Variants in TBCK observed in about 807,000 individuals in gnomAD.
TBCK encodes TBC domain-containing protein kinase-like protein.
Under a neutral mutation model 113.4 loss-of-function variants are expected in TBCK, and 99 were observed. The observed-to-expected ratio is 0.87, with a 90% CI of 0.74 to 1.03. The LOEUF is 1.03. Among genes scored for constraint, TBCK ranks in the 50% least tolerant of loss-of-function variants. TBCK has a pLI of 0.00. For synonymous variants in TBCK, 369 were observed against 370.8 expected, an observed-to-expected ratio of 1.00 and a Z score of 0.05; for missense variants, 1,045 against 1,061.3, an observed-to-expected ratio of 0.98 and a Z score of 0.21.
At position 106,154,394 on chromosome 4, in the gene TBCK, A is replaced by G. The variant is rs377760806; in HGVS notation, c.2235+16701T>C. ...TTTTAGCTTTTTGTTTTTCCTGTTT[A>G]TATCTTAAAGTACTGTCAATGTCTT... On this transcript the variant is annotated intron_variant, in intron 23 of 25. Transcript: ENST00000394708. Among the ~76,000 whole-genome samples the G allele has an allele frequency of 1.1e-4, 16 of 152,236 alleles. No homozygotes were observed. In the East Asian group the frequency reaches 2.3e-3, roughly 22 times the overall value.
At chr4:106,092,144 C>T (rs1364559534) in intron 25 of TBCK, among the ~76,000 whole-genome samples, 1 of 151,940 alleles carries the variant, frequency 6.6e-6, no homozygotes, top group Non-Finnish European at 1.5e-5. Context: ...TTCTCCAAGT[C>T]CCCACCAGAT....
intron 19 of TBCK, among the ~76,000 whole-genome samples, chr4:106,218,750 G>C (rs1757301402): frequency 8.6e-6 from 1 of 115,828 alleles, no homozygotes; most frequent in African/African-American, 3.2e-5. Context: ...GGAGAAATAG[G>C]AACACTTTTA....
chr4:106,292,606 T>C (rs916974561), intron 3 of TBCK, among the ~76,000 whole-genome samples: 1 of 151,398 alleles, frequency 6.6e-6, no homozygotes, highest in East Asian at 1.9e-4. Context: ...TTAACTCATA[T>C]CTGTTCATGC....
chr4:106,152,598 T>A (rs890819641), intron 23 of TBCK, among the ~76,000 whole-genome samples: 4 of 152,026 alleles, frequency 2.6e-5, no homozygotes, highest in Admixed American at 6.6e-5. Context: ...ACTGGCCTCA[T>A]AGAATAAGTT....
intron 23 of TBCK, among the ~76,000 whole-genome samples, chr4:106,123,074 G>A (rs1184373295): frequency 1.3e-5 from 2 of 152,216 alleles, no homozygotes; most frequent in African/African-American, 4.8e-5. Context: ...TAGGAAAAGA[G>A]GAAGTCACAT....
At chr4:106,133,115 G>A (rs1008150684) in intron 23 of TBCK, among the ~76,000 whole-genome samples, 3 of 152,144 alleles carry the variant, frequency 2.0e-5, no homozygotes, top group African/African-American at 7.2e-5. Flanking sequence ...TTTGGGAGGG[G>A]CCAGGGACAG....
chr4:106,163,992 A>ATTC (rs1750088292), intron 23 of TBCK, among the ~76,000 whole-genome samples: 1 of 152,038 alleles, frequency 6.6e-6, no homozygotes, highest in South Asian at 2.1e-4. Flanking sequence ...TATTATTATT[A>ATTC]TTTGCTTATT....
At chr4:106,185,173 T>A (rs1380719002) in intron 22 of TBCK, among the ~76,000 whole-genome samples, 1 of 152,114 alleles carries the variant, frequency 6.6e-6, no homozygotes, top group African/African-American at 2.4e-5. Flanking sequence ...CTTGAAATTT[T>A]AAGTAATTAA....
rs772584843 is a variant in TBCK at position 106,248,249 on chromosome 4, TAGA to T, written c.775_777del (p.Ser259del). 2 of 1,593,272 alleles carry T rather than the reference TAGA, an allele frequency of 1.3e-6. No individual in the cohort carries two copies. Among genetic ancestry groups the T allele is most frequent in the Admixed American group, 1.8e-5 (1 of 57,124 alleles). On this transcript the variant is annotated inframe_deletion, in exon 9 of 26. Transcript: ENST00000394708. ...CAATCTCTAAATAATATCAACCTCT[TAGA>T]AGGATGGAAGGTAAGGCACTTATTC...
chr4:106,232,594 T>C (rs775455202), intron 17 of TBCK, among the ~76,000 whole-genome samples: 2 of 151,918 alleles, frequency 1.3e-5, no homozygotes, highest in African/African-American at 2.4e-5. Context: ...TAAGTATAAA[T>C]TAGAAATCAT....
At chr4:106,179,089 A>C (rs1752026536) in intron 22 of TBCK, among the ~76,000 whole-genome samples, 1 of 151,994 alleles carries the variant, frequency 6.6e-6, no homozygotes, top group Non-Finnish European at 1.5e-5. Flanking sequence ...TGCATTCTGT[A>C]GTAAAATGTC....
chr4:106,171,337 C>T lies in TBCK; in HGVS notation c.2060-67G>A, dbSNP rs1020432377. 11 of 1,204,592 alleles carry T rather than the reference C, an allele frequency of 9.1e-6. No individual in the cohort carries two copies. The African/African-American group carries it at 1.4e-4, about 15-fold the overall frequency. 74.6% of individuals were successfully genotyped at this position (1,204,592 alleles called of 1,614,324 possible). A position where few individuals can be genotyped will look rare whatever the true frequency, so the allele number is the denominator to read the frequency against. ...GATTGCTCTTTTAATGTAATAAACA[C>T]CATCTCTCCTAAGTGAATATATCTA... On this transcript the variant is annotated intron_variant, in intron 22 of 25. Coordinates refer to ENST00000394708, the MANE Select transcript of TBCK (RefSeq NM_001163435.3).
chr4:106,143,615 T>C (rs1747391840), intron 23 of TBCK, among the ~76,000 whole-genome samples: 1 of 152,154 alleles, frequency 6.6e-6, no homozygotes, highest in South Asian at 2.1e-4. Flanking sequence ...GCAGTCTTTG[T>C]CATTAAAAGT....
At chr4:106,161,931 C>G (rs1197800018) in intron 23 of TBCK, among the ~76,000 whole-genome samples, 1 of 152,070 alleles carries the variant, frequency 6.6e-6, no homozygotes, top group African/African-American at 2.4e-5. Context: ...CATGTCCTCA[C>G]ATTTCAAACC....
chr4:106,246,410 T>C (rs563527711), intron 10 of TBCK, among the ~76,000 whole-genome samples: 1 of 152,268 alleles, frequency 6.6e-6, no homozygotes, highest in Non-Finnish European at 1.5e-5. Context: ...AGTCGTAATC[T>C]TCACACAAGA....
intron 23 of TBCK, 64 bp from the exon 24 acceptor site, chr4:106,116,442 T>C: frequency 7.7e-7 from 1 of 1,291,926 alleles, no homozygotes. Context: ...TTATCCCCAG[T>C]AATAGAATAT....
At chr4:106,214,384 C>T (rs1163491544) in intron 19 of TBCK, among the ~76,000 whole-genome samples, 4 of 152,120 alleles carry the variant, frequency 2.6e-5, no homozygotes, top group Non-Finnish European at 4.4e-5. Context: ...CTTTGACGAG[C>T]TGAGAGAAGG....
At chr4:106,143,113 A>C (rs972070346) in intron 23 of TBCK, among the ~76,000 whole-genome samples, 1 of 152,158 alleles carries the variant, frequency 6.6e-6, no homozygotes, top group Non-Finnish European at 1.5e-5. Flanking sequence ...TCATCAAGAA[A>C]TCCATCCCAA....
chr4:106,089,082 T>C (rs2149504790), intron 25 of TBCK, among the ~76,000 whole-genome samples: 1 of 151,918 alleles, frequency 6.6e-6, no homozygotes, highest in South Asian at 2.1e-4. Context: ...AATTGGCTCA[T>C]GGTTCTGTAG....
Sources: allele counts gnomAD v4.1 joint callset (sites outside exome capture counted in the v4.1 genomes callset), GRCh38; gene constraint gnomAD v4.1.1; transcripts MANE v1.5; gene names NCBI Gene and HGNC (gene_info 2026-07-23, HGNC 2026-07-21).